NDUFS1: variants seen among roughly 807,000 people sequenced by gnomAD.
NDUFS1 encodes NADH-ubiquinone oxidoreductase 75 kDa subunit, mitochondrial.
In NDUFS1, 61 loss-of-function variants were observed where a neutral mutation model predicts 84.4. The observed-to-expected ratio is 0.72, with a 90% CI of 0.59 to 0.89. The LOEUF (loss-of-function observed/expected upper bound fraction) is 0.89. Ranked by LOEUF, NDUFS1 falls within the 40% of genes least tolerant of loss-of-function variation. NDUFS1 has a pLI of 0.00. For synonymous variants in NDUFS1, 275 were observed against 290.0 expected, an observed-to-expected ratio of 0.95 and a Z score of 0.53; for missense variants, 891 against 890.0, an observed-to-expected ratio of 1.00 and a Z score of -0.01.
intron 3 of NDUFS1, among the ~76,000 whole-genome samples, chr2:206,150,672 T>G (rs1692338895): frequency 6.6e-6 from 1 of 152,258 alleles, no homozygotes; most frequent in Non-Finnish European, 1.5e-5. Context: ...ACATTCCTTA[T>G]GCTGATTATG....
rs1302076510 is a variant in NDUFS1, at chr2:206,138,361, G to A, written c.1392+124C>T. The A allele has an allele frequency of 1.1e-5, 12 of 1,095,100 alleles. No homozygotes were observed. In the East Asian group the frequency reaches 1.4e-4, roughly 13 times the overall value. The allele number at this position is 1,095,100 out of a possible 1,614,324, so 67.8% of individuals were successfully genotyped here. A position where few individuals can be genotyped will look rare whatever the true frequency, so the allele number is the denominator to read the frequency against. On this transcript the variant is annotated intron_variant, in intron 13 of 18. Coordinates refer to ENST00000233190, the MANE Select transcript of NDUFS1 (RefSeq NM_005006.7). ...CTCCCAAAGTGCTGGGATTACAGGC[G>A]TGAGCCACCGCGCCCAACCTGGTGT...
rs1324570350 is a variant in NDUFS1, at chr2:206,123,352, C to T, written c.*833G>A. On this transcript the variant is annotated 3_prime_UTR_variant, in exon 19 of 19. Transcript: ENST00000233190. ...TGTATAACTTATAAAAAAAAAAAAG[C>T]CACATAAATCACCATGACATTATAG... The T allele has an allele frequency of 6.8e-6, 1 of 147,244 alleles. No homozygotes were observed. Among genetic ancestry groups the T allele is most frequent in the African/African-American group, 2.5e-5 (1 of 40,454 alleles). 9.1% of individuals were successfully genotyped at this position (147,244 alleles called of 1,614,324 possible).
chr2:206,144,750 T>G, intron 9 of NDUFS1, 142 bp downstream of exon 9: 1 of 801,552 alleles, frequency 1.2e-6, no homozygotes, highest in Non-Finnish European at 2.0e-6. Flanking sequence ...AAGTCAGTAT[T>G]ATCACATTAT....
Position 206,156,796 on chromosome 2 carries a change from C to G in NDUFS1, c.-5+2545G>C, listed in dbSNP as rs568168813. Among the ~76,000 whole-genome samples, 4 of 152,312 alleles carry G rather than the reference C, an allele frequency of 2.6e-5. No homozygotes were observed. In the South Asian group the frequency reaches 8.3e-4, roughly 32 times the overall value. ...GATACTGAAATTGCAAATATCCAAT[C>G]TGTTTCCTGCTAGTGAGTAATGTTG... On this transcript the variant is annotated intron_variant, in intron 1 of 18. Coordinates refer to ENST00000233190, the MANE Select transcript of NDUFS1 (RefSeq NM_005006.7).
intron 8 of NDUFS1, among the ~76,000 whole-genome samples, chr2:206,146,390 A>T (rs1456518872): frequency 6.6e-6 from 1 of 152,222 alleles, no homozygotes; most frequent in African/African-American, 2.4e-5. Flanking sequence ...ATTGGATGAT[A>T]ATTTGTTATG....
intron 1 of NDUFS1, among the ~76,000 whole-genome samples, chr2:206,157,135 A>G (rs1459756228): frequency 6.6e-6 from 1 of 152,206 alleles, no homozygotes; most frequent in Non-Finnish European, 1.5e-5. Context: ...TATTTTCAGT[A>G]GAGAAGGGGT....
At position 206,114,868 on chromosome 2, in the gene NDUFS1, G is replaced by A. The variant is rs1007026021; in HGVS notation, c.*9317C>T. Reference sequence around the variant, plus strand: ...CTGCTGAGATACTTTCCATACACACGTAAGCATATACATATATACACACAC... The same window carrying A: ...CTGCTGAGATACTTTCCATACACACATAAGCATATACATATATACACACAC... On this transcript the variant is annotated 3_prime_UTR_variant, in exon 19 of 19. Coordinates refer to ENST00000233190, the MANE Select transcript of NDUFS1 (RefSeq NM_005006.7). 2 of 152,048 alleles carry A rather than the reference G, an allele frequency of 1.3e-5. No individual in the cohort carries two copies. The highest frequency in any genetic ancestry group is 4.8e-5 in the African/African-American group (2 of 41,394). 9.4% of individuals were successfully genotyped at this position (152,048 alleles called of 1,614,324 possible).
intron 18 of NDUFS1, among the ~76,000 whole-genome samples, chr2:206,124,730 T>C (rs1575940281): frequency 6.6e-6 from 1 of 151,982 alleles, no homozygotes; most frequent in East Asian, 1.9e-4. Flanking sequence ...TCCCAGCTAC[T>C]CGGGAGTCTG....
intron 15 of NDUFS1, among the ~76,000 whole-genome samples, chr2:206,128,621 T>C (rs962400546): frequency 1.1e-4 from 16 of 151,498 alleles, no homozygotes; most frequent in Non-Finnish European, 1.0e-4. Flanking sequence ...CTACTAAAAA[T>C]ACAAAAAAAT....
chr2:206,124,463 T>A lies in NDUFS1; in HGVS notation c.2093-187A>T, dbSNP rs906367772. 9.9e-4 allele frequency among the ~76,000 whole-genome samples: 150 copies of A among 151,998 alleles called. 3 individuals are homozygous for A. The highest frequency in any genetic ancestry group is 9.8e-3 in the Admixed American group (149 of 15,210). On this transcript the variant is annotated intron_variant, in intron 18 of 18. Coordinates refer to ENST00000233190, the MANE Select transcript of NDUFS1 (RefSeq NM_005006.7). ...ACTGGCCACATGCTTTCAATAACTA[T>A]CCCTGGAAACAATCAAATAACTATA... is the stretch of plus-strand genomic sequence containing the variant.
In NDUFS1 at chr2:206,147,561, G is replaced by A. The variant is rs1173254099; in HGVS notation, c.521C>T (p.Thr174Ile). 1 of 1,614,140 alleles carries A rather than the reference G, an allele frequency of 6.2e-7. No individual in the cohort carries two copies. Among genetic ancestry groups the A allele is most frequent in the East Asian group, 2.2e-5 (1 of 44,884 alleles). Reference sequence around the variant, plus strand: ...GCAGCGAGTACACTGTATACATCTTGTCATGATGGTCTTTACCAATGGCCC... The same window carrying A: ...GCAGCGAGTACACTGTATACATCTTATCATGATGGTCTTTACCAATGGCCC... The part of the protein sequence containing the change: ...NIGPLVKTIM[T>I]RCIQCTRCIR... The change falls in exon 7 of 19, where the codon ACA becomes ATA. Residue 174 changes from threonine (T) to isoleucine (I), a missense_variant. Physicochemically the swap from Thr to Ile is moderately conservative, Grantham distance 89. Coordinates refer to ENST00000233190, the MANE Select transcript of NDUFS1 (RefSeq NM_005006.7).
rs372243930 is a variant in NDUFS1 at position 206,142,829 on chromosome 2, C to A, written c.990G>T (p.Leu330Phe). 6.2e-7 allele frequency: 1 copy of A among 1,614,010 alleles called. No homozygotes were observed. Among genetic ancestry groups the A allele is most frequent in the African/African-American group, 1.3e-5 (1 of 74,910 alleles). Residue 330 changes from leucine (L) to phenylalanine (F), a missense_variant and splice_region_variant, in exon 11 of 19, where the codon TTG becomes TTT. Physicochemically the swap from Leu to Phe is conservative, Grantham distance 22 (BLOSUM62 0). Coordinates refer to ENST00000233190, the MANE Select transcript of NDUFS1 (RefSeq NM_005006.7). ...EDALSRVAGMLQSFQGKDVAA... is the reference protein window; with the variant it reads ...EDALSRVAGMFQSFQGKDVAA... ...CCACATCTTTGCCTTGAAAACTCTG[C>A]AACTAGAAACAGATGAAAAGGGCAT... is the stretch of plus-strand genomic sequence containing the variant.
intron 13 of NDUFS1, among the ~76,000 whole-genome samples, chr2:206,137,352 T>C (rs1691758707): frequency 6.6e-6 from 1 of 152,004 alleles, no homozygotes; most frequent in African/African-American, 2.4e-5. Flanking sequence ...TGCGTGCCTG[T>C]AGTCCCAGCT....
intron 13 of NDUFS1, among the ~76,000 whole-genome samples, chr2:206,135,391 C>T (rs1691667262): frequency 6.6e-6 from 1 of 152,058 alleles, no homozygotes; most frequent in African/African-American, 2.4e-5. Context: ...AAAACGTTCT[C>T]AGGCCAGGCA....
At chr2:206,147,476 G>A in intron 7 of NDUFS1, 55 bp downstream of exon 7, 1 of 1,504,784 alleles carries the variant, frequency 6.6e-7, no homozygotes, top group Non-Finnish European at 9.0e-7. Flanking sequence ...ATCAAATTGT[G>A]ACTATTAAGT....
intron 4 of NDUFS1, 156 bp downstream of exon 4, chr2:206,149,662 A>C: frequency 3.1e-6 from 2 of 649,424 alleles, no homozygotes; most frequent in Non-Finnish European, 5.5e-6. Context: ...CAGTTTTGAA[A>C]TGAAGAGAAT....
In NDUFS1 at chr2:206,135,022, GTTTT is replaced by G. The variant is rs112074918; in HGVS notation, c.1393-1921_1393-1918del. On this transcript the variant is annotated intron_variant, in intron 13 of 18. Coordinates refer to ENST00000233190, the MANE Select transcript of NDUFS1 (RefSeq NM_005006.7). ...TTCGACAACTGCATTGTCAAGAGTT[GTTTT>G]TTTTTCTTTTGAGACAGGGTCTTAC... is the stretch of plus-strand genomic sequence containing the variant. 9.3e-3 allele frequency among the ~76,000 whole-genome samples: 1,395 copies of G among 150,404 alleles called. 10 individuals carry two copies. The highest frequency in any genetic ancestry group is 0.017 in the Middle Eastern group (5 of 292).
rs1170207473 is a variant in NDUFS1, at chr2:206,124,145, A to G, written c.*40T>C. ...AAGGATCACTGCACTACAGTTGTCC[A>G]TTAATTATCTGCGGCAAAACTGGGA... On this transcript the variant is annotated 3_prime_UTR_variant, in exon 19 of 19. Coordinates refer to ENST00000233190, the MANE Select transcript of NDUFS1 (RefSeq NM_005006.7). 1.5e-6 allele frequency: 2 copies of G among 1,310,340 alleles called. No homozygotes were observed. Among genetic ancestry groups the G allele is most frequent in the Non-Finnish European group, 2.2e-6 (2 of 902,698 alleles). The allele number at this position is 1,310,340 out of a possible 1,614,324, so 81.2% of individuals were successfully genotyped here.
chr2:206,133,356 TA>T (rs1412845389), intron 13 of NDUFS1, among the ~76,000 whole-genome samples: 1 of 152,180 alleles, frequency 6.6e-6, no homozygotes, highest in Non-Finnish European at 1.5e-5. Context: ...TTATTCAGAA[TA>T]AAAAGCCTAG....
Sources: allele counts gnomAD v4.1 joint callset (sites outside exome capture counted in the v4.1 genomes callset), GRCh38; gene constraint gnomAD v4.1.1; transcripts MANE v1.5; gene names NCBI Gene and HGNC (gene_info 2026-07-23, HGNC 2026-07-21).